Variants in LUC7L observed in about 807,000 individuals in gnomAD.
The protein encoded by LUC7L is putative RNA-binding protein Luc7-like 1.
A neutral mutation model predicts 51.1 loss-of-function variants in LUC7L; 29 were observed. The ratio of observed to expected loss-of-function variants is 0.57; its 90% CI spans 0.42 to 0.77. The LOEUF (loss-of-function observed/expected upper bound fraction) is 0.77, where lower values mean the gene tolerates loss of function less well. LUC7L is among the 30% of genes least tolerant of loss of function. LUC7L has a pLI of 0.00. For missense variants in LUC7L, 403 were observed against 511.9 expected, an observed-to-expected ratio of 0.79 and a Z score of 2.05; for synonymous variants, 181 against 180.7, an observed-to-expected ratio of 1.00 and a Z score of -0.01.
intron 2 of LUC7L, among the ~76,000 whole-genome samples, chr16:221,037 T>C (rs1383939568): frequency 6.6e-6 from 1 of 152,104 alleles, no homozygotes; most frequent in African/African-American, 2.4e-5. Flanking sequence ...CTTTTGCCAG[T>C]TTTTAAGGAG....
chr16:208,117 T>C lies in LUC7L; in HGVS notation c.327A>G (p.Ala109=), dbSNP rs1429074722. ...RRTELAKKRL[A]ETQEEISAEV... is the part of the protein sequence containing the mutation. ...CCGCACTGATTTCCTCCTGTGTTTC[T>C]GCCAGCCGCTTCTTGGCGAGCTCAG... The change falls in exon 4 of 10, where the codon GCA becomes GCG. Residue 109 remains alanine (A), a synonymous_variant. Coordinates refer to ENST00000293872, the MANE Select transcript of LUC7L (RefSeq NM_201412.3). 1 of 1,613,678 alleles carries C rather than the reference T, an allele frequency of 6.2e-7. No homozygotes were observed. Among genetic ancestry groups the C allele is most frequent in the Admixed American group, 1.7e-5 (1 of 59,844 alleles).
At chr16:189,404 C>G in intron 9 of LUC7L, 65 bp from the exon 10 acceptor site, 1 of 1,541,930 alleles carries the variant, frequency 6.5e-7, no homozygotes, top group Non-Finnish European at 8.7e-7. Flanking sequence ...CGCTCAGGCA[C>G]TGACGATGGA....
intron 5 of LUC7L, among the ~76,000 whole-genome samples, chr16:199,778 A>G (rs557250719): frequency 0.017 from 2,481 of 146,410 alleles, 96 homozygotes; most frequent in African/African-American, 0.06. Flanking sequence ...AAAAAAAAAA[A>G]AGAGAGATCG....
rs1345586951 is a variant in LUC7L at position 229,277 on chromosome 16, A to G, written c.61+2T>C. 1 of 1,535,526 alleles carries G rather than the reference A, an allele frequency of 6.5e-7. No individual in the cohort carries two copies. The highest frequency in any genetic ancestry group is 1.4e-5 in the African/African-American group (1 of 71,510). ...CTCGCCTGGTTGGCCGCTCTGACTC[A>G]CCGTCCCGAGCCGTGCCCATGAGCT... On this transcript the variant is annotated splice_donor_variant, in intron 1 of 9. Transcript: ENST00000293872. LOFTEE classifies it high-confidence loss of function.
chr16:216,695 G>C (rs1228748046), intron 3 of LUC7L, among the ~76,000 whole-genome samples: 1 of 151,890 alleles, frequency 6.6e-6, no homozygotes, highest in African/African-American at 2.4e-5. Context: ...ATTTTAATAT[G>C]AGCCCCCTGT....
At chr16:195,166 G>A (rs1315268777) in intron 6 of LUC7L, among the ~76,000 whole-genome samples, 2 of 152,078 alleles carry the variant, frequency 1.3e-5, no homozygotes, top group East Asian at 3.9e-4. Context: ...GGTGGCTCAT[G>A]CCATTTCAGC....
rs114964284 is a variant in LUC7L at position 219,118 on chromosome 16, C to G, written c.255+1531G>C. ...GTCTCAAAAATAAATAGGACAGGCGCGGTGGCTCACAGCTGTAATCCCAGC... is the reference window on the plus strand; with the variant it reads ...GTCTCAAAAATAAATAGGACAGGCGGGGTGGCTCACAGCTGTAATCCCAGC... On this transcript the variant is annotated intron_variant, in intron 3 of 9. Coordinates refer to ENST00000293872, the MANE Select transcript of LUC7L (RefSeq NM_201412.3). Among the ~76,000 whole-genome samples, 4 of 151,596 alleles carry G rather than the reference C, an allele frequency of 2.6e-5. No homozygotes were observed. The South Asian group carries it at 8.3e-4, about 32-fold the overall frequency.
In LUC7L at chr16:229,290, G is replaced by T; in HGVS notation, c.50C>A (p.Thr17Lys). The T allele has an allele frequency of 6.5e-7, 1 of 1,540,818 alleles. No individual in the cohort carries two copies. Among genetic ancestry groups the T allele is most frequent in the South Asian group, 1.2e-5 (1 of 84,040 alleles). ...MRALLDQLMG[T>K]ARDGDETRQR... is the part of the protein sequence containing the mutation. ...CCGCTCTGACTCACCGTCCCGAGCC[G>T]TGCCCATGAGCTGGTCCAGCAGGGC... Residue 17 changes from threonine (T) to lysine (K), a missense_variant, in exon 1 of 10, where the codon ACG becomes AAG. This residue lies in a region of LUC7L where 182 missense variants were observed against 248.4 expected (regional missense o/e 0.73). Coordinates refer to ENST00000293872, the MANE Select transcript of LUC7L (RefSeq NM_201412.3).
chr16:217,944 C>T (rs1200131065), intron 3 of LUC7L, among the ~76,000 whole-genome samples: 5 of 145,728 alleles, frequency 3.4e-5, no homozygotes, highest in African/African-American at 1.0e-4. Flanking sequence ...GAGGCTGAGG[C>T]ATGAGAAGAG....
At chr16:204,606 AAGAG>A (rs1203281056) in intron 5 of LUC7L, among the ~76,000 whole-genome samples, 2 of 151,980 alleles carry the variant, frequency 1.3e-5, no homozygotes, top group East Asian at 1.9e-4. Context: ...AAAAAAAAAA[AAGAG>A]AGAAAATTAT....
In LUC7L at chr16:190,046, T is replaced by TGCGGTGGCGGTG. The variant is rs1227671148; in HGVS notation, c.895_896insCACCGCCACCGC (p.Arg298_His299insProProProPro). On this transcript the variant is annotated inframe_insertion, in exon 9 of 10. Coordinates refer to ENST00000293872, the MANE Select transcript of LUC7L (RefSeq NM_201412.3). ...CCGGGAACGGCTGCGGTGGCGCCGATGTCTATCTCGGGACCGGGACCGGGA... is the reference window on the plus strand; with the variant it reads ...CCGGGAACGGCTGCGGTGGCGCCGATGCGGTGGCGGTGGTCTATCTCGGGACCGGGACCGGGA... The TGCGGTGGCGGTG allele has an allele frequency of 6.2e-7, 1 of 1,613,860 alleles. No homozygotes were observed. Among genetic ancestry groups the TGCGGTGGCGGTG allele is most frequent in the African/African-American group, 1.3e-5 (1 of 74,914 alleles).
At chr16:200,670 C>A (rs2049297935) in intron 5 of LUC7L, among the ~76,000 whole-genome samples, 1 of 152,070 alleles carries the variant, frequency 6.6e-6, no homozygotes, top group Non-Finnish European at 1.5e-5. Flanking sequence ...TCACTTGGCC[C>A]CAGGAGATTG....
At position 228,828 on chromosome 16, in the gene LUC7L, A is replaced by G. The variant is rs890509018; in HGVS notation, c.61+451T>C. 1.5e-5 allele frequency: 19 copies of G among 1,293,324 alleles called. No homozygotes were observed. The African/African-American group carries it at 2.9e-4, about 20-fold the overall frequency. 80.1% of individuals were successfully genotyped at this position (1,293,324 alleles called of 1,614,324 possible). A position where few individuals can be genotyped will look rare whatever the true frequency, so the allele number is the denominator to read the frequency against. Reference sequence around the variant, plus strand: ...AGTTTACGGTTCCCCTTGCAATGGTACAGAACCAGAGCGGGCCAGGTTTTC... The same window carrying G: ...AGTTTACGGTTCCCCTTGCAATGGTGCAGAACCAGAGCGGGCCAGGTTTTC... On this transcript the variant is annotated intron_variant, in intron 1 of 9. Coordinates refer to ENST00000293872, the MANE Select transcript of LUC7L (RefSeq NM_201412.3).
In LUC7L at chr16:199,068, C is replaced by A; in HGVS notation, c.681G>T (p.Gln227His). The A allele has an allele frequency of 6.2e-7, 1 of 1,606,246 alleles. No homozygotes were observed. The highest frequency in any genetic ancestry group is 8.5e-7 in the Non-Finnish European group (1 of 1,173,762). ...GFIQIREKLD[Q>H]LRKTVAEKQE... ...CAGAAACAGATGAACATACCCTCAACTGATCAAGCTTCTCTCGGATCTGAA... is the reference window on the plus strand; with the variant it reads ...CAGAAACAGATGAACATACCCTCAAATGATCAAGCTTCTCTCGGATCTGAA... Residue 227 changes from glutamine (Q) to histidine (H), a missense_variant, in exon 6 of 10, where the codon CAG becomes CAT. Around this residue, in one of 3 missense-constraint regions of LUC7L, gnomAD observed 15 missense variants for 45.2 expected, o/e 0.33. Coordinates refer to ENST00000293872, the MANE Select transcript of LUC7L (RefSeq NM_201412.3).
At chr16:202,973 C>T (rs190221971) in intron 5 of LUC7L, among the ~76,000 whole-genome samples, 1 of 152,184 alleles carries the variant, frequency 6.6e-6, no homozygotes, top group Admixed American at 6.5e-5. Flanking sequence ...CATGGTGAAA[C>T]CCCGTCTTCT....
intron 2 of LUC7L, 99 bp from the exon 3 acceptor site, chr16:220,846 C>A (rs2049945221): frequency 6.6e-6 from 5 of 758,890 alleles, no homozygotes; most frequent in Non-Finnish European, 1.1e-5. Context: ...CAGAAATGAT[C>A]ACTTTTGGAA....
chr16:220,724 G>C lies in LUC7L; in HGVS notation c.180C>G (p.Thr60=). The C allele has an allele frequency of 6.2e-7, 1 of 1,613,890 alleles. No homozygotes were observed. Among genetic ancestry groups the C allele is most frequent in the Non-Finnish European group, 8.5e-7 (1 of 1,179,876 alleles). The part of the protein sequence containing the change: ...AGTRMDLGEC[T]KIHDLALRAD... Reference sequence around the variant, plus strand: ...CTCGGAGGGCCAAGTCGTGGATTTTGGTACATTCTCCTAAATCCATGCGCT... The same window carrying C: ...CTCGGAGGGCCAAGTCGTGGATTTTCGTACATTCTCCTAAATCCATGCGCT... Residue 60 remains threonine (T), a synonymous_variant, in exon 3 of 10, where the codon ACC becomes ACG. Coordinates refer to ENST00000293872, the MANE Select transcript of LUC7L (RefSeq NM_201412.3).
chr16:229,154 G>A (rs926902087), intron 1 of LUC7L, 125 bp downstream of exon 1: 23 of 1,432,398 alleles, frequency 1.6e-5, no homozygotes, highest in Non-Finnish European at 1.9e-5. Flanking sequence ...TCGGAGCGCG[G>A]GGGAGGAGGA....
chr16:227,120 TA>T (rs2050152453), intron 2 of LUC7L, 121 bp downstream of exon 2: 1 of 719,952 alleles, frequency 1.4e-6, no homozygotes, highest in South Asian at 1.7e-5. Context: ...ACACCTGCCA[TA>T]ATTAAGCCAC....
Sources: allele counts gnomAD v4.1 joint callset (sites outside exome capture counted in the v4.1 genomes callset), GRCh38; gene constraint gnomAD v4.1.1; regional missense constraint gnomAD v4.1.1; transcripts MANE v1.5; gene names NCBI Gene and HGNC (gene_info 2026-07-23, HGNC 2026-07-21).